The following SLCO3A1 variants were observed in gnomAD, a reference collection of about 807,000 sequenced individuals.
SLCO3A1 encodes PGE1 transporter.
A neutral mutation model predicts 63.1 loss-of-function variants in SLCO3A1; 27 were observed. The ratio of observed to expected loss-of-function variants is 0.43; its 90% CI spans 0.32 to 0.59. The LOEUF is 0.59. Among genes scored for constraint, SLCO3A1 ranks in the 20% least tolerant of loss-of-function variants. The probability of loss-of-function intolerance (pLI) is 0.09; values close to 1 mark genes in which losing one functional copy is unlikely to be tolerated. For synonymous variants in SLCO3A1, 473 were observed against 409.9 expected (o/e 1.15, Z -1.86); for missense variants, 773 against 945.8 (o/e 0.82, Z 2.40).
chr15:92,021,544 G>T lies in SLCO3A1; in HGVS notation c.647-73337G>T, dbSNP rs544784876. Among the ~76,000 whole-genome samples the T allele has an allele frequency of 4.6e-5, 7 of 152,272 alleles. No homozygotes were observed. The East Asian group carries it at 7.7e-4, about 17-fold the overall frequency. ...ACAACCACTCCTACAAGGCAAGAGG[G>T]TTTTCCTCCATCCGAGAACTTCCTA... On this transcript the variant is annotated intron_variant, in intron 2 of 9. Coordinates refer to ENST00000318445, the MANE Select transcript of SLCO3A1 (RefSeq NM_013272.4).
chr15:92,155,132 C>G (rs759865270), intron 9 of SLCO3A1: 3 of 152,148 alleles, frequency 2.0e-5, no homozygotes, highest in African/African-American at 4.8e-5. Flanking sequence ...GTAAACTGAA[C>G]GATCTACTCA....
chr15:91,916,163 G>C lies in SLCO3A1; in HGVS notation c.351G>C (p.Ala117=), dbSNP rs754874361. The C allele has an allele frequency of 1.0e-5, 16 of 1,604,690 alleles. No individual in the cohort carries two copies. The highest frequency in any genetic ancestry group is 1.3e-5 in the Non-Finnish European group (15 of 1,177,710). Residue 117 remains alanine, a synonymous_variant, in exon 2 of 10, where the codon GCG becomes GCC. Coordinates refer to ENST00000318445, the MANE Select transcript of SLCO3A1 (RefSeq NM_013272.4). This position sits in a 1 kb window ranked among gnomAD's most constrained non-coding sequence, Gnocchi z 6.2. ...RLIGCGGIVM[A]LGALLSALPE... is the part of the protein sequence containing the mutation. Reference sequence around the variant, plus strand: ...TCGGCTGCGGCGGCATCGTCATGGCGCTGGGCGCGCTGCTGTCGGCGCTGC... The same window carrying C: ...TCGGCTGCGGCGGCATCGTCATGGCCCTGGGCGCGCTGCTGTCGGCGCTGC...
At chr15:91,986,343 G>C (rs1025651143) in intron 2 of SLCO3A1, among the ~76,000 whole-genome samples, 9 of 152,090 alleles carry the variant, frequency 5.9e-5, no homozygotes, top group African/African-American at 2.2e-4. Context: ...TAGGGAGATG[G>C]GGAAGTGGCT....
Position 91,968,186 on chromosome 15 carries a change from G to T in SLCO3A1, c.646+51728G>T, listed in dbSNP as rs1281158408. Among the ~76,000 whole-genome samples, 1 of 152,116 alleles carries T rather than the reference G, an allele frequency of 6.6e-6. No homozygotes were observed. Among genetic ancestry groups the T allele is most frequent in the East Asian group, 1.9e-4 (1 of 5,172 alleles). On this transcript the variant is annotated intron_variant, in intron 2 of 9. Coordinates refer to ENST00000318445, the MANE Select transcript of SLCO3A1 (RefSeq NM_013272.4). The surrounding 1 kb of genome is among the most constrained non-coding windows in gnomAD (Gnocchi z 4.2). ...CATCCATGCCCACAGAGGAGAGCGT[G>T]TGCCCTGAGTTTCAGTGCCGGATCA...
At position 92,029,939 on chromosome 15, in the gene SLCO3A1, G is replaced by A. The variant is rs140233115; in HGVS notation, c.647-64942G>A. On this transcript the variant is annotated intron_variant, in intron 2 of 9. Coordinates refer to ENST00000318445, the MANE Select transcript of SLCO3A1 (RefSeq NM_013272.4). ...CAAAAGGCCACAGGTCAATTACCTC[G>A]GAGCTGCTAAGAATTGCAGCCTGCC... Among the ~76,000 whole-genome samples the A allele has an allele frequency of 3.0e-3, 456 of 152,140 alleles. 3 individuals carry two copies. The highest frequency in any genetic ancestry group is 0.01 in the African/African-American group (419 of 41,512).
At chr15:92,144,109 G>A (rs1252045511) in intron 7 of SLCO3A1, among the ~76,000 whole-genome samples, 1 of 152,242 alleles carries the variant, frequency 6.6e-6, no homozygotes, top group African/African-American at 2.4e-5. Context: ...TGACCTTCTG[G>A]GAGAAATGGC....
chr15:92,126,074 C>T lies in SLCO3A1; in HGVS notation c.1188C>T (p.Ile396=). The T allele has an allele frequency of 6.2e-7, 1 of 1,613,906 alleles. No individual in the cohort carries two copies. The highest frequency in any genetic ancestry group is 1.3e-5 in the African/African-American group (1 of 74,960). The stretch of plus-strand genomic sequence containing the variant: ...TTTTCCTTCCAGGGATGACTGCGAT[C>T]CCGTGTGCTTGTCTGGGTATCTTCC... ...SANQLLGMTA[I]PCACLGIFLG... is the part of the protein sequence containing the mutation. Residue 396 remains isoleucine, a synonymous_variant, in exon 6 of 10, where the codon ATC becomes ATT. Transcript: ENST00000318445.
At chr15:91,982,655 C>T (rs1264708401) in intron 2 of SLCO3A1, among the ~76,000 whole-genome samples, 1 of 152,206 alleles carries the variant, frequency 6.6e-6, no homozygotes. Context: ...AAAATCACTG[C>T]TCTAGAGTTT....
intron 2 of SLCO3A1, among the ~76,000 whole-genome samples, chr15:92,059,824 A>G (rs1301651067): frequency 6.6e-6 from 1 of 152,208 alleles, no homozygotes; most frequent in Admixed American, 6.5e-5. Context: ...TCAGTCATGC[A>G]TGGCTTAATG....
chr15:91,936,803 G>A (rs1374803262), intron 2 of SLCO3A1, among the ~76,000 whole-genome samples: 1 of 152,134 alleles, frequency 6.6e-6, no homozygotes, highest in African/African-American at 2.4e-5. Flanking sequence ...GGGTGAAGGA[G>A]GCTGTATTTC....
intron 2 of SLCO3A1, among the ~76,000 whole-genome samples, chr15:92,005,337 T>A (rs1440970045): frequency 6.6e-6 from 1 of 152,202 alleles, no homozygotes; most frequent in African/African-American, 2.4e-5. Context: ...TGCACAGAGG[T>A]GCAGTGATGG....
chr15:92,151,202 A>ACGAAGTTCTCATTTATAC, intron 9 of SLCO3A1, 188 bp downstream of exon 9: 1 of 553,374 alleles, frequency 1.8e-6, no homozygotes, highest in Non-Finnish European at 3.2e-6. Flanking sequence ...CCTCGATATC[A>ACGAAGTTCTCATTTATAC]CGAAGTTCTC....
At position 91,905,600 on chromosome 15, in the gene SLCO3A1, G is replaced by T. The variant is rs560957511; in HGVS notation, c.181-10393G>T. Among the ~76,000 whole-genome samples the T allele has an allele frequency of 2.7e-5, 4 of 150,020 alleles. No homozygotes were observed. The East Asian group carries it at 5.8e-4, about 22-fold the overall frequency. On this transcript the variant is annotated intron_variant, in intron 1 of 9. Transcript: ENST00000318445. ...GACCTGTGGAAATGGATGGCAGCCT[G>T]TATATATGTTTTCAAGGGATGCTTA...
At chr15:92,019,939 G>T (rs1237696490) in intron 2 of SLCO3A1, among the ~76,000 whole-genome samples, 1 of 152,162 alleles carries the variant, frequency 6.6e-6, no homozygotes, top group Non-Finnish European at 1.5e-5. Context: ...TGTCAGGGCA[G>T]TGAGGACTGT....
At chr15:92,058,507 A>C (rs915581261) in intron 2 of SLCO3A1, among the ~76,000 whole-genome samples, 10 of 151,810 alleles carry the variant, frequency 6.6e-5, no homozygotes, top group African/African-American at 2.4e-4. Flanking sequence ...GTATGGCTAC[A>C]CCCCACTGGA....
rs1476397763 is a variant in SLCO3A1, at chr15:91,967,163, T to TA, written c.646+50712dup. Among the ~76,000 whole-genome samples, 2 of 151,968 alleles carry TA rather than the reference T, an allele frequency of 1.3e-5. No individual in the cohort carries two copies. The highest frequency in any genetic ancestry group is 2.9e-5 in the Non-Finnish European group (2 of 67,964). On this transcript the variant is annotated intron_variant, in intron 2 of 9. Transcript: ENST00000318445. This position sits in a 1 kb window ranked among gnomAD's most constrained non-coding sequence, Gnocchi z 4.4. ...TATTTGTGCTGCTTTTTATCCTTTC[T>TA]AAAAAAACAAAAAGATTATTAGATG...
chr15:92,165,477 T>C lies in SLCO3A1; in HGVS notation c.*2342T>C. 1.0e-6 allele frequency: 1 copy of C among 984,018 alleles called. No homozygotes were observed. The highest frequency in any genetic ancestry group is 1.2e-6 in the Non-Finnish European group (1 of 828,724). The allele number at this position is 984,018 out of a possible 1,614,324, so 61.0% of individuals were successfully genotyped here. The stretch of plus-strand genomic sequence containing the variant: ...CACACACTGAGGCCCTTTGACCTAG[T>C]GTTTTATGGAACTATTTGCTTTGAG... On this transcript the variant is annotated 3_prime_UTR_variant, in exon 10 of 10. Transcript: ENST00000318445.
At position 91,911,923 on chromosome 15, in the gene SLCO3A1, C is replaced by G. The variant is rs575238939; in HGVS notation, c.181-4070C>G. Among the ~76,000 whole-genome samples the G allele has an allele frequency of 1.7e-4, 26 of 152,240 alleles. No individual in the cohort carries two copies. The South Asian group carries it at 5.4e-3, about 32-fold the overall frequency. On this transcript the variant is annotated intron_variant, in intron 1 of 9. Coordinates refer to ENST00000318445, the MANE Select transcript of SLCO3A1 (RefSeq NM_013272.4). ...TACAGTCGTGAGCCACTGCGCCCGG[C>G]CGGGACATCTATATTTTTAACAATT...
intron 2 of SLCO3A1, among the ~76,000 whole-genome samples, chr15:91,955,138 G>A (rs993188614): frequency 6.6e-6 from 1 of 152,054 alleles, no homozygotes; most frequent in Admixed American, 6.5e-5. Flanking sequence ...AGTCTTCACC[G>A]CACCCCTGTG....
Sources: allele counts gnomAD v4.1 joint callset (sites outside exome capture counted in the v4.1 genomes callset), GRCh38; gene constraint gnomAD v4.1.1; non-coding constraint Gnocchi (gnomAD v3.1); transcripts MANE v1.5; gene names NCBI Gene and HGNC (gene_info 2026-07-23, HGNC 2026-07-21).